Variants in DMRT1 observed in about 807,000 individuals in gnomAD.
DMRT1 encodes doublesex and mab-3 related transcription factor 1.
A neutral mutation model predicts 32.3 loss-of-function variants in DMRT1; 7 were observed. That is an observed-to-expected ratio of 0.22 (90% CI 0.12 to 0.41). The LOEUF (loss-of-function observed/expected upper bound fraction) is 0.41. Among genes scored for constraint, DMRT1 ranks in the 10% least tolerant of loss-of-function variants. The pLI, the probability that DMRT1 is intolerant of heterozygous loss-of-function variation, is 1.00. For missense variants in DMRT1, 625 were observed against 500.5 expected (o/e 1.25, Z -2.37); for synonymous variants, 278 against 206.1 (o/e 1.35, Z -2.99).
chr9:873,365 G>A (rs1816356400), intron 2 of DMRT1, among the ~76,000 whole-genome samples: 2 of 151,778 alleles, frequency 1.3e-5, no homozygotes, highest in African/African-American at 4.8e-5. Flanking sequence ...GAGTGCAGTG[G>A]CGCAATCTTG....
intron 2 of DMRT1, among the ~76,000 whole-genome samples, chr9:853,489 T>G (rs1366312703): frequency 6.6e-6 from 1 of 151,502 alleles, no homozygotes; most frequent in Non-Finnish European, 1.5e-5. Context: ...TTTTTTTTTT[T>G]GAGACGAAGT....
intron 4 of DMRT1, among the ~76,000 whole-genome samples, chr9:960,498 G>A (rs775907848): frequency 6.6e-6 from 1 of 152,218 alleles, no homozygotes; most frequent in African/African-American, 2.4e-5. Context: ...GACCTTTAGG[G>A]TTTACAAACT....
intron 2 of DMRT1, among the ~76,000 whole-genome samples, chr9:864,802 C>G (rs1204766764): frequency 6.6e-6 from 1 of 152,198 alleles, no homozygotes; most frequent in Non-Finnish European, 1.5e-5. Flanking sequence ...GCCCGCCAGC[C>G]AGTATTCTTT....
chr9:894,501 T>G (rs976262546), intron 3 of DMRT1: 14 of 421,688 alleles, frequency 3.3e-5, no homozygotes, highest in South Asian at 2.0e-4. Flanking sequence ...CTTTTCTCAT[T>G]TTTTGAATGT....
intron 4 of DMRT1, among the ~76,000 whole-genome samples, chr9:925,629 A>G (rs1185629812): frequency 6.6e-6 from 1 of 152,136 alleles, no homozygotes; most frequent in Non-Finnish European, 1.5e-5. Flanking sequence ...TTCTTCTAGT[A>G]TATCCTGTGT....
chr9:897,143 C>T (rs529203827), intron 3 of DMRT1, among the ~76,000 whole-genome samples: 72 of 149,868 alleles, frequency 4.8e-4, no homozygotes, highest in Non-Finnish European at 8.0e-4. Context: ...GACAGATTCT[C>T]GCTCTGTCGC....
intron 4 of DMRT1, among the ~76,000 whole-genome samples, chr9:938,274 A>G (rs959478221): frequency 1.3e-5 from 2 of 152,144 alleles, no homozygotes; most frequent in Admixed American, 6.5e-5. Flanking sequence ...GGAATTCCAT[A>G]TGAATTTTAC....
rs560209651 is a variant in DMRT1, at chr9:939,703, G to A, written c.967+22796G>A. 8.5e-5 allele frequency among the ~76,000 whole-genome samples: 13 copies of A among 152,180 alleles called. No homozygotes were observed. The South Asian group carries it at 1.5e-3, about 17-fold the overall frequency. On this transcript the variant is annotated intron_variant, in intron 4 of 4. Transcript: ENST00000382276. ...TTTACCAAAAGCAATACAAGCTCACGGGGGGAAAAGTCAAATAATGTAGGA... is the reference window on the plus strand; with the variant it reads ...TTTACCAAAAGCAATACAAGCTCACAGGGGGAAAAGTCAAATAATGTAGGA...
intron 2 of DMRT1, among the ~76,000 whole-genome samples, chr9:861,826 G>A (rs1279604787): frequency 2.0e-5 from 3 of 148,418 alleles, no homozygotes; most frequent in Non-Finnish European, 3.0e-5. Context: ...TCCTTCAGAC[G>A]GGGCGGCCGG....
intron 4 of DMRT1, among the ~76,000 whole-genome samples, chr9:950,182 C>A (rs1283521897): frequency 1.3e-5 from 2 of 152,078 alleles, no homozygotes; most frequent in Non-Finnish European, 2.9e-5. Context: ...TTACTCAGCT[C>A]ATTTTTAGAA....
At chr9:905,082 A>G (rs1422995773) in intron 3 of DMRT1, among the ~76,000 whole-genome samples, 1 of 152,202 alleles carries the variant, frequency 6.6e-6, no homozygotes, top group African/African-American at 2.4e-5. Context: ...GTTTGATCAC[A>G]ACTATTGTTT....
intron 2 of DMRT1, among the ~76,000 whole-genome samples, chr9:858,867 AAAAATAT>A (rs1467076769): frequency 5.1e-3 from 93 of 18,280 alleles, no homozygotes; most frequent in African/African-American, 0.012. Flanking sequence ...AAAAAAAAAA[AAAAATAT>A]ATATATATAT....
intron 2 of DMRT1, among the ~76,000 whole-genome samples, chr9:863,624 A>G (rs1482848669): frequency 6.6e-6 from 1 of 152,218 alleles, no homozygotes; most frequent in Non-Finnish European, 1.5e-5. Context: ...TAGAGGCTCC[A>G]GAAAGAAATG....
At chr9:911,505 TTTTTTTAG>T (rs1817986040) in intron 3 of DMRT1, among the ~76,000 whole-genome samples, 1 of 109,474 alleles carries the variant, frequency 9.1e-6, no homozygotes, top group African/African-American at 3.7e-5. Context: ...TTTTTTTTTT[TTTTTTTAG>T]ATGGAGTCGC....
intron 2 of DMRT1, among the ~76,000 whole-genome samples, chr9:885,581 C>G (rs1263696993): frequency 1.3e-5 from 2 of 152,214 alleles, no homozygotes; most frequent in African/African-American, 4.8e-5. Context: ...TGCTTGCCTT[C>G]TTCCACCAAT....
At chr9:884,631 C>G (rs570726746) in intron 2 of DMRT1, among the ~76,000 whole-genome samples, 1 of 152,176 alleles carries the variant, frequency 6.6e-6, no homozygotes, top group Non-Finnish European at 1.5e-5. Context: ...TCCTTCTGAT[C>G]TTTTGTTCTT....
chr9:880,448 T>C lies in DMRT1; in HGVS notation c.539-13464T>C, dbSNP rs550525585. On this transcript the variant is annotated intron_variant, in intron 2 of 4. Coordinates refer to ENST00000382276, the MANE Select transcript of DMRT1 (RefSeq NM_021951.3). ...ATTAGTATACTTGGGTAGCTTGGGCTGGGCGTGGTGGCTTACACCTGTAAT... is the reference window on the plus strand; with the variant it reads ...ATTAGTATACTTGGGTAGCTTGGGCCGGGCGTGGTGGCTTACACCTGTAAT... Among the ~76,000 whole-genome samples the C allele has an allele frequency of 1.3e-5, 2 of 152,228 alleles. 1 individual carries two copies. The highest frequency in any genetic ancestry group is 4.8e-5 in the African/African-American group (2 of 41,556).
chr9:860,067 T>C (rs1015040706), intron 2 of DMRT1, among the ~76,000 whole-genome samples: 47 of 151,926 alleles, frequency 3.1e-4, no homozygotes, highest in African/African-American at 1.1e-3. Flanking sequence ...GAGGCCGAGG[T>C]GGGTGGATCA....
chr9:929,176 G>A (rs1041828438), intron 4 of DMRT1, among the ~76,000 whole-genome samples: 7 of 152,118 alleles, frequency 4.6e-5, no homozygotes, highest in Non-Finnish European at 8.8e-5. Flanking sequence ...TGCTAAATCT[G>A]ACAACCTTGT....
Sources: allele counts gnomAD v4.1 joint callset (sites outside exome capture counted in the v4.1 genomes callset), GRCh38; gene constraint gnomAD v4.1.1; transcripts MANE v1.5; gene names NCBI Gene and HGNC (gene_info 2026-07-23, HGNC 2026-07-21).